The following BMPR2 variants were observed in gnomAD, a reference collection of about 807,000 sequenced individuals.
BMPR2 encodes the protein bone morphogenetic protein receptor type 2.
BMPR2 carries 29 observed loss-of-function variants against 100.8 expected under a neutral mutation model. That is an observed-to-expected ratio of 0.29 (90% confidence interval 0.21 to 0.39). BMPR2 has a LOEUF of 0.39. Among genes scored for constraint, BMPR2 ranks in the 10% least tolerant of loss-of-function variants. BMPR2 has a pLI of 1.00. For synonymous variants in BMPR2, 382 were observed against 442.3 expected (o/e 0.86, Z 1.71); for missense variants, 1,011 against 1,274.5 (o/e 0.79, Z 3.15).
chr2:202,454,335 T>G (rs1169653699), intron 1 of BMPR2, among the ~76,000 whole-genome samples: 1 of 152,188 alleles, frequency 6.6e-6, no homozygotes, highest in Non-Finnish European at 1.5e-5. Flanking sequence ...CCTCCCAAAG[T>G]GCTGAGATTA....
intron 8 of BMPR2, among the ~76,000 whole-genome samples, chr2:202,531,261 C>CA (rs2106018620): frequency 6.6e-6 from 1 of 152,300 alleles, no homozygotes; most frequent in Non-Finnish European, 1.5e-5. Context: ...TGAGATTGTG[C>CA]CACTGCACTC....
At chr2:202,508,109 TTA>T (rs1370030810) in intron 3 of BMPR2, among the ~76,000 whole-genome samples, 3 of 148,990 alleles carry the variant, frequency 2.0e-5, no homozygotes, top group East Asian at 2.0e-4. Context: ...ATTATTATTA[TTA>T]TTTTTGAGTC....
intron 1 of BMPR2, among the ~76,000 whole-genome samples, chr2:202,406,329 A>C (rs1690890731): frequency 6.6e-6 from 1 of 152,210 alleles, no homozygotes; most frequent in African/African-American, 2.4e-5. Context: ...GAGAATTAAT[A>C]CAATTTTCTT....
chr2:202,478,680 T>C (rs1240372174), intron 3 of BMPR2, among the ~76,000 whole-genome samples: 2 of 152,152 alleles, frequency 1.3e-5, no homozygotes, highest in Non-Finnish European at 2.9e-5. Flanking sequence ...AGCCTGAAGT[T>C]GGTGGATCAC....
chr2:202,445,093 A>G lies in BMPR2; in HGVS notation c.77-19716A>G, dbSNP rs547531568. ...GTGAGCCAACACACCTGGCCTAGAC[A>G]TTTTTTAAAGTGTAGTAAATATGTG... On this transcript the variant is annotated intron_variant, in intron 1 of 12. Transcript: ENST00000374580. 2.1e-4 allele frequency among the ~76,000 whole-genome samples: 31 copies of G among 150,220 alleles called. 1 individual carries two copies. The South Asian group carries it at 4.8e-3, about 23-fold the overall frequency.
At chr2:202,541,083 TAAATAGTGATA>T (rs1688260809) in intron 9 of BMPR2, among the ~76,000 whole-genome samples, 1 of 152,182 alleles carries the variant, frequency 6.6e-6, no homozygotes, top group South Asian at 2.1e-4. Flanking sequence ...ATAGGGTTAT[TAAATAGTGATA>T]AAATAGTTAA....
intron 1 of BMPR2, among the ~76,000 whole-genome samples, chr2:202,380,127 A>G (rs1690246136): frequency 6.6e-6 from 1 of 151,940 alleles, no homozygotes; most frequent in African/African-American, 2.4e-5. Context: ...CGGCCTCCCA[A>G]AGTGCTGGGA....
chr2:202,468,829 G>A (rs1448685288), intron 3 of BMPR2, among the ~76,000 whole-genome samples: 2 of 152,066 alleles, frequency 1.3e-5, no homozygotes, highest in African/African-American at 4.8e-5. Context: ...ATAGTAGGCT[G>A]TCTTGTATAG....
At chr2:202,449,093 G>A (rs1277528555) in intron 1 of BMPR2, among the ~76,000 whole-genome samples, 1 of 151,842 alleles carries the variant, frequency 6.6e-6, no homozygotes, top group Non-Finnish European at 1.5e-5. Context: ...CAAGGCAGGC[G>A]AGGTCGGGAG....
chr2:202,460,533 AAAAT>A (rs1559045313), intron 1 of BMPR2, among the ~76,000 whole-genome samples: 1 of 152,208 alleles, frequency 6.6e-6, no homozygotes, highest in Admixed American at 6.5e-5. Flanking sequence ...TTCAATAGAA[AAAAT>A]AAAATTAGTG....
chr2:202,437,365 T>C lies in BMPR2; in HGVS notation c.77-27444T>C, dbSNP rs930833853. Among the ~76,000 whole-genome samples the C allele has an allele frequency of 4.6e-5, 7 of 150,854 alleles. 1 individual carries two copies. Among genetic ancestry groups the C allele is most frequent in the African/African-American group, 1.7e-4 (7 of 40,150 alleles). Reference sequence around the variant, plus strand: ...CTGACCATTTGTATCTCTTCTTATATTTTCAGTTGTTGCAATAAATTTTAA... The same window carrying C: ...CTGACCATTTGTATCTCTTCTTATACTTTCAGTTGTTGCAATAAATTTTAA... On this transcript the variant is annotated intron_variant, in intron 1 of 12. Coordinates refer to ENST00000374580, the MANE Select transcript of BMPR2 (RefSeq NM_001204.7).
intron 1 of BMPR2, among the ~76,000 whole-genome samples, chr2:202,446,490 C>G (rs1691851424): frequency 6.7e-6 from 1 of 150,356 alleles, no homozygotes; most frequent in African/African-American, 2.5e-5. Flanking sequence ...TTTATGTTCG[C>G]TTGTGTTTTT....
intron 3 of BMPR2, among the ~76,000 whole-genome samples, chr2:202,510,758 A>G (rs1687606048): frequency 1.3e-5 from 2 of 151,644 alleles, no homozygotes; most frequent in Non-Finnish European, 2.9e-5. Context: ...TTGGCTCACT[A>G]CAATCTCTGC....
chr2:202,440,327 C>CG (rs1691710946), intron 1 of BMPR2, among the ~76,000 whole-genome samples: 1 of 148,604 alleles, frequency 6.7e-6, no homozygotes, highest in South Asian at 2.1e-4. Context: ...AGTTCCCAGA[C>CG]GGGGTCGCGG....
chr2:202,392,694 A>T (rs183703760), intron 1 of BMPR2, among the ~76,000 whole-genome samples: 1 of 152,226 alleles, frequency 6.6e-6, no homozygotes, highest in Admixed American at 6.5e-5. Flanking sequence ...TAGCTTTAAA[A>T]AGTTAAGGGA....
chr2:202,499,002 ATCC>A (rs1693102865), intron 3 of BMPR2, among the ~76,000 whole-genome samples: 2 of 149,496 alleles, frequency 1.3e-5, no homozygotes, highest in East Asian at 2.0e-4. Context: ...ATTAATGATA[ATCC>A]TCCTCTAATC....
intron 3 of BMPR2, among the ~76,000 whole-genome samples, chr2:202,468,064 T>C (rs1324646591): frequency 6.6e-6 from 1 of 151,052 alleles, no homozygotes; most frequent in Admixed American, 6.6e-5. Context: ...AATTCAAAGT[T>C]GTTGGGAGTG....
chr2:202,550,010 A>T (rs1688447608), intron 10 of BMPR2, among the ~76,000 whole-genome samples: 1 of 151,976 alleles, frequency 6.6e-6, no homozygotes. Context: ...GGCTAAAGTG[A>T]TCCTCCCACC....
chr2:202,411,934 C>T (rs1691020378), intron 1 of BMPR2, among the ~76,000 whole-genome samples: 1 of 152,042 alleles, frequency 6.6e-6, no homozygotes, highest in African/African-American at 2.4e-5. Flanking sequence ...TGATTAAATC[C>T]TGGACCAGCA....
Sources: allele counts gnomAD v4.1 joint callset (sites outside exome capture counted in the v4.1 genomes callset), GRCh38; gene constraint gnomAD v4.1.1; transcripts MANE v1.5; gene names NCBI Gene and HGNC (gene_info 2026-07-23, HGNC 2026-07-21).